Variants in DEFB135 observed in about 807,000 individuals in gnomAD.
DEFB135 encodes the protein defensin beta 135.
DEFB135 carries 14 observed loss-of-function variants against 8.9 expected under a neutral mutation model. That is an observed-to-expected ratio of 1.58 (90% CI 1.04 to 2.47). The LOEUF is 2.47. Ranked by LOEUF, DEFB135 falls within the 30% of genes most tolerant of loss-of-function variation. The probability of loss-of-function intolerance (pLI) is 0.00; values close to 1 mark genes in which losing one functional copy is unlikely to be tolerated. For missense variants in DEFB135, 135 were observed against 94.2 expected (o/e 1.43, Z -1.79); for synonymous variants, 51 against 34.5 (o/e 1.48, Z -1.67).
chr8:11,983,425 G>T (rs1799781630), intron 1 of DEFB135, among the ~76,000 whole-genome samples: 1 of 152,058 alleles, frequency 6.6e-6, no homozygotes, highest in Non-Finnish European at 1.5e-5. Flanking sequence ...ATAAAACGAA[G>T]ACAGATACGA....
In DEFB135 at chr8:11,984,419, A is replaced by G. The variant is rs765938935; in HGVS notation, c.65-2A>G. 3 of 1,528,104 alleles carry G rather than the reference A, an allele frequency of 2.0e-6. No homozygotes were observed. Among genetic ancestry groups the G allele is most frequent in the Admixed American group, 1.8e-5 (1 of 54,712 alleles). 94.7% of individuals were successfully genotyped at this position (1,528,104 alleles called of 1,614,324 possible). On this transcript the variant is annotated splice_acceptor_variant, in intron 1 of 1. Coordinates refer to ENST00000382208, the MANE Select transcript of DEFB135 (RefSeq NM_001033017.3). LOFTEE classifies it high-confidence loss of function. ...TGCATTAACCTTTGTTTCTCTTGGC[A>G]GGTAGAAGTGGACCCAATGTCTACA...
intron 1 of DEFB135, among the ~76,000 whole-genome samples, chr8:11,982,692 T>C (rs767751521): frequency 6.6e-6 from 1 of 152,150 alleles, no homozygotes; most frequent in Non-Finnish European, 1.5e-5. Flanking sequence ...AGATGAGACT[T>C]TCAAAGAATA....
intron 1 of DEFB135, among the ~76,000 whole-genome samples, chr8:11,983,154 G>A (rs1282305348): frequency 6.6e-6 from 1 of 152,206 alleles, no homozygotes; most frequent in African/African-American, 2.4e-5. Context: ...AGCACTTTGG[G>A]AGGCTGAGTC....
At chr8:11,982,457 A>G in intron 1 of DEFB135, 73 bp downstream of exon 1, 1 of 1,550,334 alleles carries the variant, frequency 6.5e-7, no homozygotes, top group Non-Finnish European at 8.9e-7. Flanking sequence ...TACAAGAGTG[A>G]GAAAAAGGCA....
chr8:11,983,813 A>C (rs1799792382), intron 1 of DEFB135, among the ~76,000 whole-genome samples: 1 of 151,920 alleles, frequency 6.6e-6, no homozygotes, highest in African/African-American at 2.4e-5. Context: ...ACTAGCAATA[A>C]ATTTCCATAT....
At chr8:11,984,066 C>T (rs371558390) in intron 1 of DEFB135, among the ~76,000 whole-genome samples, 2 of 152,186 alleles carry the variant, frequency 1.3e-5, no homozygotes, top group Admixed American at 6.5e-5. Flanking sequence ...CCAGACCCTG[C>T]ATGCCTCCTG....
In DEFB135 at chr8:11,984,444, A is replaced by G; in HGVS notation, c.88A>G (p.Ile30Val). Residue 30 changes from isoleucine (I) to valine (V), a missense_variant, in exon 2 of 2, where the codon ATA becomes GTA. Coordinates refer to ENST00000382208, the MANE Select transcript of DEFB135 (RefSeq NM_001033017.3). ...AGGTAGAAGTGGACCCAATGTCTAC[A>G]TACAAAAAATCTTTGCTTCATGTTG... ...PPGRSGPNVYIQKIFASCWRL... is the reference protein window; with the variant it reads ...PPGRSGPNVYVQKIFASCWRL... 1.3e-6 allele frequency: 2 copies of G among 1,567,092 alleles called. No individual in the cohort carries two copies. Among genetic ancestry groups the G allele is most frequent in the South Asian group, 1.2e-5 (1 of 86,328 alleles).
At chr8:11,982,817 G>A (rs1482176814) in intron 1 of DEFB135, among the ~76,000 whole-genome samples, 1 of 152,160 alleles carries the variant, frequency 6.6e-6, no homozygotes, top group Non-Finnish European at 1.5e-5. Flanking sequence ...TAAATTTTAT[G>A]CTGAGCAGAA....
Position 11,982,257 on chromosome 8 carries a change from T to G in DEFB135, c.-64T>G, listed in dbSNP as rs569484376. The G allele has an allele frequency of 1.3e-6, 2 of 1,582,234 alleles. No homozygotes were observed. Among genetic ancestry groups the G allele is most frequent in the Admixed American group, 3.3e-5 (2 of 59,786 alleles). On this transcript the variant is annotated 5_prime_UTR_variant, in exon 1 of 2. Coordinates refer to ENST00000382208, the MANE Select transcript of DEFB135 (RefSeq NM_001033017.3). ...GGTTCACTAGCCATGCAGCTCCCCG[T>G]CTCTTCAAAGCTGCGGAGAGAGTGA...
intron 1 of DEFB135, 91 bp downstream of exon 1, chr8:11,982,475 G>C: frequency 6.9e-7 from 1 of 1,451,810 alleles, no homozygotes; most frequent in East Asian, 2.3e-5. Flanking sequence ...GCAGGACTTG[G>C]ACAAAGGAAG....
At chr8:11,983,236 A>C (rs2150551976) in intron 1 of DEFB135, among the ~76,000 whole-genome samples, 1 of 152,240 alleles carries the variant, frequency 6.6e-6, no homozygotes, top group African/African-American at 2.4e-5. Context: ...TCTACTAAAA[A>C]TACAAAATTA....
intron 1 of DEFB135, among the ~76,000 whole-genome samples, chr8:11,982,752 C>T (rs965563301): frequency 6.6e-6 from 1 of 152,218 alleles, no homozygotes; most frequent in Admixed American, 6.5e-5. Flanking sequence ...GCTCTTAGAA[C>T]TTGCCTTCTA....
chr8:11,984,031 TCA>T (rs1006934240), intron 1 of DEFB135, among the ~76,000 whole-genome samples: 6 of 152,146 alleles, frequency 3.9e-5, no homozygotes, highest in African/African-American at 1.4e-4. Context: ...ACTTTGATAA[TCA>T]CAAACTGCCT....
At chr8:11,982,539 A>G (rs1799755862) in intron 1 of DEFB135, among the ~76,000 whole-genome samples, 155 bp downstream of exon 1, 1 of 152,218 alleles carries the variant, frequency 6.6e-6, no homozygotes. Flanking sequence ...GGTCCAGAGA[A>G]TGGAGAAAAG....
At chr8:11,984,038 C>G (rs1047922173) in intron 1 of DEFB135, among the ~76,000 whole-genome samples, 1 of 152,152 alleles carries the variant, frequency 6.6e-6, no homozygotes, top group Non-Finnish European at 1.5e-5. Context: ...TAATCACAAA[C>G]TGCCTCAGGT....
Position 11,982,282 on chromosome 8 carries a change from A to T in DEFB135, c.-39A>T, listed in dbSNP as rs1799746051. 6.2e-7 allele frequency: 1 copy of T among 1,609,744 alleles called. No homozygotes were observed. Among genetic ancestry groups the T allele is most frequent in the African/African-American group, 1.3e-5 (1 of 74,752 alleles). ...TCTCTTCAAAGCTGCGGAGAGAGTG[A>T]CTCTCCGATGAGTCACAGCTGCTTC... is the stretch of plus-strand genomic sequence containing the variant. On this transcript the variant is annotated 5_prime_UTR_variant, in exon 1 of 2. Transcript: ENST00000382208.
Position 11,984,459 on chromosome 8 carries a change from G to A in DEFB135, c.103G>A (p.Ala35Thr). The change falls in exon 2 of 2, where the codon GCT (alanine) becomes ACT (threonine). Residue 35 changes from alanine (A) to threonine (T), a missense_variant. Transcript: ENST00000382208. ...GPNVYIQKIF[A>T]SCWRLQGTCR... ...CAATGTCTACATACAAAAAATCTTT[G>A]CTTCATGTTGGCGACTGCAAGGTAC... 6.4e-7 allele frequency: 1 copy of A among 1,569,678 alleles called. No individual in the cohort carries two copies. The highest frequency in any genetic ancestry group is 1.2e-5 in the South Asian group (1 of 86,132).
chr8:11,984,197 T>C (rs914610849), intron 1 of DEFB135, among the ~76,000 whole-genome samples: 6 of 152,174 alleles, frequency 3.9e-5, no homozygotes, highest in African/African-American at 1.2e-4. Flanking sequence ...CAGTAATTCA[T>C]GTAACTAATT....
intron 1 of DEFB135, among the ~76,000 whole-genome samples, chr8:11,983,820 A>G (rs532516109): frequency 8.8e-4 from 134 of 151,986 alleles, no homozygotes; most frequent in African/African-American, 3.0e-3. Flanking sequence ...ATAAATTTCC[A>G]TATTTGTCTC....
Sources: gnomAD v4.1 joint callset for allele counts (sites outside exome capture counted in the v4.1 genomes callset) on GRCh38, gnomAD v4.1.1 for gene constraint, MANE v1.5 for transcripts, NCBI Gene and HGNC (gene_info 2026-07-23, HGNC 2026-07-21) for gene names.